Variants in TMEM114 observed in about 807,000 individuals in gnomAD.
TMEM114 encodes claudin-26.
Under a neutral mutation model 6.2 loss-of-function variants are expected in TMEM114, and 6 were observed. The ratio of observed to expected loss-of-function variants is 0.97; its 90% CI spans 0.53 to 1.91. The LOEUF (loss-of-function observed/expected upper bound fraction) is 1.91. Among genes scored for constraint, TMEM114 ranks in the 40% most tolerant of loss-of-function variants. The pLI is 0.01. For synonymous variants in TMEM114, 104 were observed against 73.0 expected, an observed-to-expected ratio of 1.42 and a Z score of -2.16; for missense variants, 218 against 158.3, an observed-to-expected ratio of 1.38 and a Z score of -2.02.
chr16:8,585,978 G>T (rs1396599145), intron 2 of TMEM114, among the ~76,000 whole-genome samples: 1 of 152,220 alleles, frequency 6.6e-6, no homozygotes, highest in Admixed American at 6.5e-5. Context: ...GACTGTGGAT[G>T]TGAGTTCTGC....
intron 2 of TMEM114, among the ~76,000 whole-genome samples, chr16:8,585,723 T>C (rs1295831210): frequency 6.6e-6 from 1 of 152,074 alleles, no homozygotes; most frequent in African/African-American, 2.4e-5. Context: ...ATAATGGGAA[T>C]AATAGCAGCT....
downstream of TMEM114, among the ~76,000 whole-genome samples, chr16:8,564,569 ATGAG>A (rs1213907449): frequency 4.9e-4 from 42 of 85,752 alleles, no homozygotes; most frequent in South Asian, 0.017. Context: ...GAGTGAGTGA[ATGAG>A]TGAGTGAGTA....
intron 2 of TMEM114, among the ~76,000 whole-genome samples, chr16:8,555,160 C>G (rs774865872): frequency 2.0e-5 from 3 of 152,202 alleles, no homozygotes; most frequent in Non-Finnish European, 4.4e-5. Flanking sequence ...CTTCTCTCTT[C>G]ACATGTGATG....
In TMEM114 at chr16:8,589,614, C is replaced by G; in HGVS notation, c.220+5G>C. ...ACAGCTCCCAGCCACGGGGTGCACC[C>G]TTACCCCGGCAGGTCCGCCAGAGGC... On this transcript the variant is annotated splice_donor_5th_base_variant and intron_variant, in intron 1 of 3. Coordinates refer to ENST00000620492, the MANE Select transcript of TMEM114 (RefSeq NM_001146336.2). The G allele has an allele frequency of 2.5e-6, 1 of 398,520 alleles. No individual in the cohort carries two copies. The highest frequency in any genetic ancestry group is 4.4e-6 in the Non-Finnish European group (1 of 225,990). The allele number at this position is 398,520 out of a possible 1,614,324, so 24.7% of individuals were successfully genotyped here.
At chr16:8,581,629 T>C (rs1414055572) in intron 2 of TMEM114, among the ~76,000 whole-genome samples, 1 of 152,206 alleles carries the variant, frequency 6.6e-6, no homozygotes, top group African/African-American at 2.4e-5. Context: ...AATTTTTGTA[T>C]TTTTAGTAGA....
At chr16:8,553,694 G>C (rs1338237679) in intron 2 of TMEM114, among the ~76,000 whole-genome samples, 1 of 152,022 alleles carries the variant, frequency 6.6e-6, no homozygotes, top group African/African-American at 2.4e-5. Context: ...TGTTAGCCAG[G>C]ATGGTCTTGA....
At chr16:8,552,139 C>G (rs1175449710) in intron 2 of TMEM114, among the ~76,000 whole-genome samples, 1 of 151,558 alleles carries the variant, frequency 6.6e-6, no homozygotes, top group East Asian at 1.9e-4. Flanking sequence ...CTTTGGGAGG[C>G]TGAAGCAAGA....
intron 2 of TMEM114, among the ~76,000 whole-genome samples, chr16:8,554,319 G>T (rs1006721185): frequency 9.9e-5 from 15 of 152,094 alleles, no homozygotes; most frequent in African/African-American, 3.4e-4. Context: ...CCTTTGGGAG[G>T]CCAAGGCAGG....
At chr16:8,555,198 C>G (rs999164358) in intron 2 of TMEM114, among the ~76,000 whole-genome samples, 1 of 152,214 alleles carries the variant, frequency 6.6e-6, no homozygotes, top group African/African-American at 2.4e-5. Flanking sequence ...TCATACATCC[C>G]AAAGGTATGC....
Position 8,555,442 on chromosome 16 carries a change from A to G in TMEM114, n.213-17616T>C, listed in dbSNP as rs575914668. ...TACTAATTAAGGAGCAGCCTTTCAG[A>G]ATCAGCTAGAAAATGAGCAGTAATT... On this transcript the variant is annotated intron_variant and non_coding_transcript_variant, in intron 2 of 2. Transcript: ENST00000623677. Among the ~76,000 whole-genome samples, 3 of 149,086 alleles carry G rather than the reference A, an allele frequency of 2.0e-5. No individual in the cohort carries two copies. The South Asian group carries it at 6.5e-4, about 32-fold the overall frequency.
At chr16:8,537,113 G>A (rs1230391471), downstream of TMEM114, among the ~76,000 whole-genome samples, 1 of 152,112 alleles carries the variant, frequency 6.6e-6, no homozygotes, top group African/African-American at 2.4e-5. Flanking sequence ...GGCTGAGGCT[G>A]GAAGATCGCA....
intron 2 of TMEM114, among the ~76,000 whole-genome samples, chr16:8,538,301 A>T (rs944685344): frequency 2.9e-4 from 44 of 152,078 alleles, no homozygotes; most frequent in Admixed American, 7.2e-4. Context: ...AAATAAAAAA[A>T]AAAAGACAGA....
the TMEM114 span, among the ~76,000 whole-genome samples, chr16:8,531,465 G>C: frequency 1.2e-3 from 177 of 152,224 alleles, 1 homozygote; most frequent in Non-Finnish European, 2.2e-3. Context: ...ACTGCTGTGA[G>C]AGTTATCACA....
At chr16:8,528,894 C>G in the TMEM114 span, among the ~76,000 whole-genome samples, 10 of 152,114 alleles carry the variant, frequency 6.6e-5, no homozygotes, top group African/African-American at 2.4e-4. Context: ...GATATTTTGC[C>G]TCTGGTCATT....
At chr16:8,529,053 A>G in the TMEM114 span, among the ~76,000 whole-genome samples, 1 of 152,188 alleles carries the variant, frequency 6.6e-6, no homozygotes, top group Non-Finnish European at 1.5e-5. Flanking sequence ...GCACTCTCAG[A>G]AGAGGGCTTT....
At chr16:8,563,692 A>G (rs1266583328) in intron 2 of TMEM114, among the ~76,000 whole-genome samples, 1 of 150,740 alleles carries the variant, frequency 6.6e-6, no homozygotes, top group Admixed American at 6.6e-5. Flanking sequence ...TAAGTGAATG[A>G]GTGAGTTAGT....
intron 2 of TMEM114, among the ~76,000 whole-genome samples, chr16:8,538,328 G>A (rs1454295986): frequency 6.6e-6 from 1 of 151,802 alleles, no homozygotes; most frequent in East Asian, 1.9e-4. Flanking sequence ...TGCTCTGGAG[G>A]GGAAGCCAAA....
intron 2 of TMEM114, among the ~76,000 whole-genome samples, chr16:8,543,727 T>C (rs1900583608): frequency 6.6e-6 from 1 of 152,152 alleles, no homozygotes; most frequent in Non-Finnish European, 1.5e-5. Context: ...AACCCACCTG[T>C]CTCTCTCCTC....
the TMEM114 span, among the ~76,000 whole-genome samples, chr16:8,530,096 A>G: frequency 6.6e-6 from 1 of 152,158 alleles, no homozygotes; most frequent in Non-Finnish European, 1.5e-5. Context: ...CCAGTTAACA[A>G]ACTGTACAGT....
Sources: gnomAD v4.1 joint callset for allele counts (sites outside exome capture counted in the v4.1 genomes callset) on GRCh38, gnomAD v4.1.1 for gene constraint, MANE v1.5 for transcripts, NCBI Gene and HGNC (gene_info 2026-07-23, HGNC 2026-07-21) for gene names.